MGAT4A: variants seen among roughly 807,000 people sequenced by gnomAD.
The protein encoded by MGAT4A is alpha-1,3-mannosyl-glycoprotein 4-beta-N-acetylglucosaminyltransferase A, also known as N-acetylglucosaminyltransferase IVa.
Under a neutral mutation model 74.1 loss-of-function variants are expected in MGAT4A, and 33 were observed. The ratio of observed to expected loss-of-function variants is 0.45; its 90% CI spans 0.34 to 0.60. The LOEUF (loss-of-function observed/expected upper bound fraction) is 0.60. Ranked by LOEUF, MGAT4A falls within the 20% of genes least tolerant of loss-of-function variation. MGAT4A has a pLI of 0.02. For missense variants in MGAT4A, 479 were observed against 628.3 expected, an observed-to-expected ratio of 0.76 and a Z score of 2.54; for synonymous variants, 198 against 210.4, an observed-to-expected ratio of 0.94 and a Z score of 0.51.
At chr2:98,639,438 A>G (rs17021689) in intron 12 of MGAT4A, among the ~76,000 whole-genome samples, 2,242 of 152,288 alleles carry the variant, frequency 0.015, 59 homozygotes, top group African/African-American at 0.051. Context: ...CAAATTTATC[A>G]TTTCAACCAA....
chr2:98,635,749 T>C (rs917914478), intron 13 of MGAT4A, among the ~76,000 whole-genome samples: 1 of 151,930 alleles, frequency 6.6e-6, no homozygotes, highest in Non-Finnish European at 1.5e-5. Flanking sequence ...TCTCAGCACT[T>C]TGGGAGGCCG....
At chr2:98,719,084 T>G (rs1399512) in intron 2 of MGAT4A, among the ~76,000 whole-genome samples, 1,796 of 152,144 alleles carry the variant, frequency 0.012, 17 homozygotes, top group Middle Eastern at 0.031. Context: ...ATGGGGAGAA[T>G]TGTGGATCTA....
chr2:98,707,077 TG>T (rs1475395424), intron 2 of MGAT4A, among the ~76,000 whole-genome samples: 1 of 152,024 alleles, frequency 6.6e-6, no homozygotes, highest in African/African-American at 2.4e-5. Context: ...TAGCTGGGTG[TG>T]GTGGCGGGTG....
chr2:98,713,642 T>A (rs1702549273), intron 2 of MGAT4A, among the ~76,000 whole-genome samples: 1 of 152,040 alleles, frequency 6.6e-6, no homozygotes, highest in Non-Finnish European at 1.5e-5. Context: ...CAGAAAATAG[T>A]GAGACTGAAC....
chr2:98,679,774 A>G (rs1484275392), intron 2 of MGAT4A, among the ~76,000 whole-genome samples: 1 of 152,216 alleles, frequency 6.6e-6, no homozygotes, highest in African/African-American at 2.4e-5. Flanking sequence ...GGATAAACGT[A>G]GGCATTGAAA....
chr2:98,695,784 A>C (rs184163530), intron 2 of MGAT4A, among the ~76,000 whole-genome samples: 1 of 152,246 alleles, frequency 6.6e-6, no homozygotes, highest in Admixed American at 6.5e-5. Context: ...CTGGTATTTA[A>C]TCTTAACCAG....
intron 4 of MGAT4A, among the ~76,000 whole-genome samples, chr2:98,671,893 T>C (rs993655629): frequency 3.1e-5 from 4 of 128,522 alleles, no homozygotes; most frequent in African/African-American, 1.2e-4. Flanking sequence ...GATTTGAAGA[T>C]ACTGTACTTT....
intron 12 of MGAT4A, 30 bp from the exon 13 acceptor site, chr2:98,636,625 C>A (rs1329327655): frequency 1.3e-6 from 2 of 1,572,630 alleles, no homozygotes; most frequent in Non-Finnish European, 8.7e-7. Flanking sequence ...AATAAAAACA[C>A]AAGTCGGGCT....
Position 98,635,295 on chromosome 2 carries a change from TA to T in MGAT4A, c.1402-8del. Reference sequence around the variant, plus strand: ...TTATTTCCAAACCTTCACTCTAAAATAAAACAAAAGCATTAATTTCAAAAAT... The same window carrying T: ...TTATTTCCAAACCTTCACTCTAAAATAAACAAAAGCATTAATTTCAAAAAT... On this transcript the variant is annotated splice_region_variant and splice_polypyrimidine_tract_variant and intron_variant, in intron 13 of 15. Transcript: ENST00000393487. 6.3e-7 allele frequency: 1 copy of T among 1,586,708 alleles called. No homozygotes were observed. Among genetic ancestry groups the T allele is most frequent in the Non-Finnish European group, 8.6e-7 (1 of 1,163,232 alleles).
chr2:98,720,976 A>G (rs1702660968), intron 2 of MGAT4A, among the ~76,000 whole-genome samples: 1 of 152,232 alleles, frequency 6.6e-6, no homozygotes, highest in African/African-American at 2.4e-5. Flanking sequence ...GGGTCAATAA[A>G]AGAGACCCAC....
In MGAT4A at chr2:98,624,011, C is replaced by G; in HGVS notation, c.*1555G>C. On this transcript the variant is annotated 3_prime_UTR_variant, in exon 16 of 16. Coordinates refer to ENST00000393487, the MANE Select transcript of MGAT4A (RefSeq NM_012214.3). ...GACTGGCTGGGAACTGATGTTGATACTTCATCTTTTTTTTTTTTTGAGACG... is the reference window on the plus strand; with the variant it reads ...GACTGGCTGGGAACTGATGTTGATAGTTCATCTTTTTTTTTTTTTGAGACG... The G allele has an allele frequency of 2.0e-6, 2 of 985,184 alleles. No individual in the cohort carries two copies. Among genetic ancestry groups the G allele is most frequent in the Non-Finnish European group, 2.4e-6 (2 of 829,846 alleles). 61.0% of individuals were successfully genotyped at this position (985,184 alleles called of 1,614,324 possible). A position where few individuals can be genotyped will look rare whatever the true frequency, so the allele number is the denominator to read the frequency against.
At chr2:98,649,681 A>C (rs1701550090) in intron 8 of MGAT4A, among the ~76,000 whole-genome samples, 1 of 152,044 alleles carries the variant, frequency 6.6e-6, no homozygotes, top group African/African-American at 2.4e-5. Context: ...TCCTGACTAG[A>C]AACCAGTCAA....
chr2:98,646,484 G>A (rs1701487555), intron 8 of MGAT4A, among the ~76,000 whole-genome samples: 1 of 151,996 alleles, frequency 6.6e-6, no homozygotes, highest in Non-Finnish European at 1.5e-5. Context: ...CAGGTAGATG[G>A]CTTGAGTTGC....
At chr2:98,668,303 T>G (rs1701865832) in intron 4 of MGAT4A, among the ~76,000 whole-genome samples, 1 of 152,238 alleles carries the variant, frequency 6.6e-6, no homozygotes, top group African/African-American at 2.4e-5. Flanking sequence ...GTCTAGGGAC[T>G]TGGTGACCTG....
At chr2:98,660,017 T>C (rs1445371072) in intron 5 of MGAT4A, among the ~76,000 whole-genome samples, 2 of 50,632 alleles carry the variant, frequency 4.0e-5, no homozygotes, top group Non-Finnish European at 6.5e-5. Flanking sequence ...ACCATCAAAT[T>C]ATAAAAAGTT....
chr2:98,633,262 C>T (rs1411330176), intron 14 of MGAT4A, among the ~76,000 whole-genome samples: 1 of 152,200 alleles, frequency 6.6e-6, no homozygotes, highest in African/African-American at 2.4e-5. Context: ...CCCTCCTGGG[C>T]AGATGCCACA....
chr2:98,722,300 G>C (rs1303984937), intron 2 of MGAT4A, among the ~76,000 whole-genome samples: 1 of 152,186 alleles, frequency 6.6e-6, no homozygotes, highest in Admixed American at 6.5e-5. Context: ...CCATACAAGG[G>C]ACTATTATTC....
intron 14 of MGAT4A, among the ~76,000 whole-genome samples, chr2:98,630,199 C>CAAA (rs1469111156): frequency 6.6e-6 from 1 of 152,166 alleles, no homozygotes; most frequent in African/African-American, 2.4e-5. Flanking sequence ...AACATGTACA[C>CAAA]AAACTTTATG....
At chr2:98,711,180 G>GTTT (rs1702513174) in intron 2 of MGAT4A, among the ~76,000 whole-genome samples, 1 of 151,358 alleles carries the variant, frequency 6.6e-6, no homozygotes, top group African/African-American at 2.4e-5. Context: ...ATTCCATAGG[G>GTTT]GAAACACCAG....
Sources: allele counts gnomAD v4.1 joint callset (sites outside exome capture counted in the v4.1 genomes callset), GRCh38; gene constraint gnomAD v4.1.1; transcripts MANE v1.5; gene names NCBI Gene and HGNC (gene_info 2026-07-23, HGNC 2026-07-21).